Variants in OR5M3 observed in about 807,000 individuals in gnomAD.
OR5M3 encodes the protein olfactory receptor 5M3.
For missense variants in OR5M3, 384 were observed against 378.6 expected (o/e 1.01, Z -0.12); for synonymous variants, 129 against 131.3 (o/e 0.98, Z 0.12).
At position 56,469,925 on chromosome 11, in the gene OR5M3, A is replaced by G. The variant is rs1853646299; in HGVS notation, c.573T>C (p.Phe191=). The change falls in exon 2 of 2, where the codon TTT becomes TTC. Residue 191 remains phenylalanine, a synonymous_variant. Coordinates refer to ENST00000641993, the MANE Select transcript of OR5M3 (RefSeq NM_001004742.3). The stretch of plus-strand genomic sequence containing the variant: ...GTATGATCATTGTATATTCTTTTAC[A>G]AAGGTCCCAGCACAGGCCATTTTGA... ...PLIKMACAGT[F]VKEYTMIILA... is the part of the protein sequence containing the mutation. The G allele has an allele frequency of 6.2e-7, 1 of 1,612,866 alleles. No individual in the cohort carries two copies. The highest frequency in any genetic ancestry group is 8.5e-7 in the Non-Finnish European group (1 of 1,178,874).
chr11:56,470,911 C>A (rs752446680), intron 1 of OR5M3, among the ~76,000 whole-genome samples: 2 of 151,606 alleles, frequency 1.3e-5, no homozygotes, highest in Non-Finnish European at 2.9e-5. Context: ...ACATTTTTAC[C>A]TAATCTCTTT....
intron 1 of OR5M3, among the ~76,000 whole-genome samples, chr11:56,472,470 AT>A (rs1172445340): frequency 2.0e-5 from 3 of 152,008 alleles, no homozygotes; most frequent in Non-Finnish European, 4.4e-5. Flanking sequence ...GTCATATCTC[AT>A]TTTGTAGTGA....
chr11:56,472,953 A>G (rs761636438), intron 1 of OR5M3, among the ~76,000 whole-genome samples: 11 of 152,052 alleles, frequency 7.2e-5, no homozygotes, highest in Admixed American at 5.3e-4. Flanking sequence ...TAATGATAAT[A>G]TCCATTTCTT....
chr11:56,470,575 A>G, intron 1 of OR5M3, 34 bp from the exon 2 acceptor site: 3 of 734,318 alleles, frequency 4.1e-6, no homozygotes, highest in Non-Finnish European at 6.4e-6. Context: ...TAGAATATTT[A>G]TTTATTAATT....
chr11:56,469,410 A>C lies in OR5M3; in HGVS notation c.*164T>G. On this transcript the variant is annotated 3_prime_UTR_variant, in exon 2 of 2. Coordinates refer to ENST00000641993, the MANE Select transcript of OR5M3 (RefSeq NM_001004742.3). ...AATTAATCTCCATACTCACATCAAC[A>C]GAAATGAATCATTCCTCCTTATATT... 2.0e-6 allele frequency: 1 copy of C among 512,692 alleles called. No individual in the cohort carries two copies. The highest frequency in any genetic ancestry group is 3.5e-6 in the Non-Finnish European group (1 of 287,276). 31.8% of individuals were successfully genotyped at this position (512,692 alleles called of 1,614,324 possible).
Position 56,470,349 on chromosome 11 carries a change from C to T in OR5M3, c.149G>A (p.Ser50Asn). 2 of 1,613,730 alleles carry T rather than the reference C, an allele frequency of 1.2e-6. No homozygotes were observed. The highest frequency in any genetic ancestry group is 1.7e-6 in the Non-Finnish European group (2 of 1,179,830). ...NIGMMVLIKV[S>N]PQLNNPMYFF... ...GTACATGGGGTTGTTAAGCTGAGGA[C>T]TGACCTTGATTAACACCATCATGCC... is the stretch of plus-strand genomic sequence containing the variant. Residue 50 changes from serine to asparagine, a missense_variant, in exon 2 of 2, where the codon AGT (serine) becomes AAT (asparagine). Physicochemically the swap from Ser to Asn is conservative, Grantham distance 46. Coordinates refer to ENST00000641993, the MANE Select transcript of OR5M3 (RefSeq NM_001004742.3).
At position 56,470,271 on chromosome 11, in the gene OR5M3, G is replaced by A; in HGVS notation, c.227C>T (p.Thr76Ile). ...FVDVWFSSNV[T>I]PKMLENLLSD... ...TAACAGGTTTTCCAACATTTTAGGG[G>A]TGACATTGGAAGAAAACCACACATC... The change falls in exon 2 of 2, where the codon ACC becomes ATC. Residue 76 changes from threonine (T) to isoleucine (I), a missense_variant. Coordinates refer to ENST00000641993, the MANE Select transcript of OR5M3 (RefSeq NM_001004742.3). 6.2e-7 allele frequency: 1 copy of A among 1,612,782 alleles called. No individual in the cohort carries two copies. Among genetic ancestry groups the A allele is most frequent in the Non-Finnish European group, 8.5e-7 (1 of 1,178,898 alleles).
chr11:56,471,933 T>C (rs1284417256), intron 1 of OR5M3, among the ~76,000 whole-genome samples: 1 of 152,042 alleles, frequency 6.6e-6, no homozygotes, highest in Non-Finnish European at 1.5e-5. Context: ...TCTTGTAATC[T>C]GCAATGTTAA....
In OR5M3 at chr11:56,470,557, G is replaced by T; in HGVS notation, c.-44-16C>A. ...TTTTTGATAACTAAAATAAAATAAAGGAAATATTAGAATATTTATTTATTA... is the reference window on the plus strand; with the variant it reads ...TTTTTGATAACTAAAATAAAATAAATGAAATATTAGAATATTTATTTATTA... On this transcript the variant is annotated splice_polypyrimidine_tract_variant and intron_variant, in intron 1 of 1. Transcript: ENST00000641993. 1.1e-6 allele frequency: 1 copy of T among 877,610 alleles called. No individual in the cohort carries two copies. The allele number at this position is 877,610 out of a possible 1,614,324, so 54.4% of individuals were successfully genotyped here. A position where few individuals can be genotyped will look rare whatever the true frequency, so the allele number is the denominator to read the frequency against.
chr11:56,470,531 C>T lies in OR5M3; in HGVS notation c.-34G>A, dbSNP rs920203678. 4.0e-6 allele frequency: 5 copies of T among 1,260,832 alleles called. No homozygotes were observed. The highest frequency in any genetic ancestry group is 3.0e-5 in the African/African-American group (2 of 66,220). The allele number at this position is 1,260,832 out of a possible 1,614,324, so 78.1% of individuals were successfully genotyped here. A position where few individuals can be genotyped will look rare whatever the true frequency, so the allele number is the denominator to read the frequency against. ...TTCTAAGTCAATATCAGTTACAAAA[C>T]TTTTTGATAACTAAAATAAAATAAA... On this transcript the variant is annotated 5_prime_UTR_variant, in exon 2 of 2. Coordinates refer to ENST00000641993, the MANE Select transcript of OR5M3 (RefSeq NM_001004742.3).
chr11:56,472,180 G>T (rs1193527317), intron 1 of OR5M3, among the ~76,000 whole-genome samples: 2 of 151,968 alleles, frequency 1.3e-5, no homozygotes, highest in East Asian at 3.8e-4. Flanking sequence ...CAGAGGTTTG[G>T]TCTAATTAAT....
At position 56,469,860 on chromosome 11, in the gene OR5M3, A is replaced by G; in HGVS notation, c.638T>C (p.Ile213Thr). Residue 213 changes from isoleucine (I) to threonine (T), a missense_variant, in exon 2 of 2, where the codon ATC becomes ACC. By Grantham distance (89) the Ile-to-Thr change is moderately conservative (BLOSUM62 -1). Coordinates refer to ENST00000641993, the MANE Select transcript of OR5M3 (RefSeq NM_001004742.3). The part of the protein sequence containing the change: ...INFTYSLTVI[I>T]ISYLFILIAI... ...AATGAGGATGAATAAGTAAGAGATG[A>G]TAATTACAGTCAGGGAATATGTGAA... is the stretch of plus-strand genomic sequence containing the variant. The G allele has an allele frequency of 6.2e-7, 1 of 1,613,194 alleles. No homozygotes were observed. Among genetic ancestry groups the G allele is most frequent in the Non-Finnish European group, 8.5e-7 (1 of 1,179,138 alleles).
At chr11:56,470,733 G>A (rs980679530) in intron 1 of OR5M3, among the ~76,000 whole-genome samples, 192 bp from the exon 2 acceptor site, 1 of 151,936 alleles carries the variant, frequency 6.6e-6, no homozygotes, top group African/African-American at 2.4e-5. Context: ...ACAAAGTTTA[G>A]TGACTGAAAT....
chr11:56,470,347 G>A lies in OR5M3; in HGVS notation c.151C>T (p.Pro51Ser), dbSNP rs780683938. The A allele has an allele frequency of 4.3e-6, 7 of 1,613,678 alleles. No homozygotes were observed. Among genetic ancestry groups the A allele is most frequent in the Non-Finnish European group, 5.1e-6 (6 of 1,179,786 alleles). Residue 51 changes from proline to serine, a missense_variant, in exon 2 of 2, where the codon CCT (proline) becomes TCT (serine). Transcript: ENST00000641993. ...AAGTACATGGGGTTGTTAAGCTGAGGACTGACCTTGATTAACACCATCATG... is the reference window on the plus strand; with the variant it reads ...AAGTACATGGGGTTGTTAAGCTGAGAACTGACCTTGATTAACACCATCATG... ...IGMMVLIKVS[P>S]QLNNPMYFFL... is the part of the protein sequence containing the mutation.
intron 1 of OR5M3, among the ~76,000 whole-genome samples, chr11:56,472,427 C>G (rs1853676957): frequency 6.6e-6 from 1 of 151,068 alleles, no homozygotes; most frequent in Non-Finnish European, 1.5e-5. Context: ...CTGAAATGTT[C>G]TTGCTGGCAA....
Position 56,470,443 on chromosome 11 carries a change from G to T in OR5M3, c.55C>A (p.Arg19=). Residue 19 remains arginine (R), a synonymous_variant, in exon 2 of 2, where the codon CGA becomes AGA. Transcript: ENST00000641993. ...EFILLGLTSR[R]EWQVLFFIIF... ...ATGAAGAAGAGAACTTGCCATTCTCGACGGCTCGTTAGCCCCAAAAGAATG... is the reference window on the plus strand; with the variant it reads ...ATGAAGAAGAGAACTTGCCATTCTCTACGGCTCGTTAGCCCCAAAAGAATG... 1 of 1,611,770 alleles carries T rather than the reference G, an allele frequency of 6.2e-7. No homozygotes were observed. The highest frequency in any genetic ancestry group is 8.5e-7 in the Non-Finnish European group (1 of 1,179,084).
At chr11:56,470,566 A>C in intron 1 of OR5M3, 25 bp from the exon 2 acceptor site, 1 of 832,470 alleles carries the variant, frequency 1.2e-6, no homozygotes, top group Non-Finnish European at 1.8e-6. Flanking sequence ...AGGAAATATT[A>C]GAATATTTAT....
chr11:56,472,154 G>A (rs625007), intron 1 of OR5M3, among the ~76,000 whole-genome samples: 26,225 of 151,892 alleles, frequency 0.17, 2,662 homozygotes, highest in Non-Finnish European at 0.23. Context: ...GAAACAGATT[G>A]CATTCTACAT....
In OR5M3 at chr11:56,469,779, C is replaced by T; in HGVS notation, c.719G>A (p.Gly240Glu). ...TATAATGACAGCTGTCAGATGGGACCCACATGTGGAAAAGGCCTTCTGCCT... is the reference window on the plus strand; with the variant it reads ...TATAATGACAGCTGTCAGATGGGACTCACATGTGGAAAAGGCCTTCTGCCT... ...EGRQKAFSTC[G>E]SHLTAVIIFY... The change falls in exon 2 of 2, where the codon GGG becomes GAG. Residue 240 changes from glycine to glutamate, a missense_variant. Physicochemically the swap from Gly to Glu is moderately conservative, Grantham distance 98. Transcript: ENST00000641993. 3 of 1,612,746 alleles carry T rather than the reference C, an allele frequency of 1.9e-6. No homozygotes were observed. The highest frequency in any genetic ancestry group is 2.5e-6 in the Non-Finnish European group (3 of 1,179,054).
Sources: allele counts gnomAD v4.1 joint callset (sites outside exome capture counted in the v4.1 genomes callset), GRCh38; gene constraint gnomAD v4.1.1; transcripts MANE v1.5; gene names NCBI Gene and HGNC (gene_info 2026-07-23, HGNC 2026-07-21).